Variants in EVPL observed in about 807,000 individuals in gnomAD.
The protein encoded by EVPL is 210 kDa cornified envelope precursor protein.
EVPL carries 94 observed loss-of-function variants against 129.7 expected under a neutral mutation model. The observed-to-expected ratio is 0.72, with a 90% CI of 0.61 to 0.86. The LOEUF (loss-of-function observed/expected upper bound fraction) is 0.86. Ranked by LOEUF, EVPL falls within the 40% of genes least tolerant of loss-of-function variation. EVPL has a pLI of 0.00. For missense variants in EVPL, 2,625 were observed against 2,721.1 expected, an observed-to-expected ratio of 0.96 and a Z score of 0.79; for synonymous variants, 1,172 against 1,191.1, an observed-to-expected ratio of 0.98 and a Z score of 0.33.
At chr17:76,021,050 A>G (rs1222363353) in intron 9 of EVPL, among the ~76,000 whole-genome samples, 2 of 152,082 alleles carry the variant, frequency 1.3e-5, no homozygotes, top group Non-Finnish European at 2.9e-5. Flanking sequence ...TGGCAACCAC[A>G]CAGCTCTATT....
chr17:76,023,205 C>G lies in EVPL; in HGVS notation c.480+87G>C, dbSNP rs1483087244. 1.7e-5 allele frequency: 27 copies of G among 1,578,012 alleles called. No homozygotes were observed. In the Admixed American group the frequency reaches 4.2e-4, roughly 25 times the overall value. On this transcript the variant is annotated intron_variant, in intron 4 of 21. Transcript: ENST00000301607. ...CCCCTGAGCCACCCCTACACCCTGA[C>G]TATTCAAGCCTGCAGTCAGGCCCTG...
intron 18 of EVPL, among the ~76,000 whole-genome samples, chr17:76,012,742 CTTTTTT>C (rs56349197): frequency 8.5e-6 from 1 of 117,526 alleles, no homozygotes; most frequent in Non-Finnish European, 1.7e-5. Context: ...TCTTTCTTTT[CTTTTTT>C]TTTTTTTTTT....
At position 76,008,120 on chromosome 17, in the gene EVPL, C is replaced by T. The variant is rs2066336826; in HGVS notation, c.5085G>A (p.Lys1695=). ...TGTAGGCCTCGTATGGGGACATGTC[C>T]TTCCCCGTCTCGGGTTCCAGGATGG... The part of the protein sequence containing the change: ...KISILEPETG[K]DMSPYEAYKR... The change falls in exon 22 of 22, where the codon AAG becomes AAA. Residue 1695 remains lysine (K), a synonymous_variant. Transcript: ENST00000301607. The surrounding 1 kb of genome is among the most constrained non-coding windows in gnomAD (Gnocchi z 7.4). The T allele has an allele frequency of 1.2e-6, 2 of 1,614,048 alleles. No homozygotes were observed. Among genetic ancestry groups the T allele is most frequent in the Non-Finnish European group, 8.5e-7 (1 of 1,180,024 alleles).
chr17:76,011,700 G>C, intron 20 of EVPL, 32 bp from the exon 21 acceptor site: 3 of 1,612,572 alleles, frequency 1.9e-6, no homozygotes, highest in South Asian at 1.1e-5. Flanking sequence ...GGGAAGGGCA[G>C]AGTCAGCTCC....
Position 76,010,336 on chromosome 17 carries a change from TCTC to T in EVPL, c.2866_2868del (p.Glu956del), listed in dbSNP as rs1415546133. ...TCCCGGTAGAACTCTACCACTTCCT[TCTC>T]CTCCAGCCTCTCCAAGGGCCGCTGG... On this transcript the variant is annotated inframe_deletion, in exon 22 of 22. Coordinates refer to ENST00000301607, the MANE Select transcript of EVPL (RefSeq NM_001988.4). 8 of 1,613,438 alleles carry T rather than the reference TCTC, an allele frequency of 5.0e-6. No individual in the cohort carries two copies. The highest frequency in any genetic ancestry group is 1.7e-5 in the Admixed American group (1 of 59,976).
At position 76,026,991 on chromosome 17, in the gene EVPL, G is replaced by A. The variant is rs1162251148; in HGVS notation, c.98+110C>T. ...CCTCAGGACACCAAATGCCAGCACG[G>A]GGCTGGTCCTGGGCTCTGGGCCGCC... On this transcript the variant is annotated intron_variant, in intron 1 of 21. Transcript: ENST00000301607. The A allele has an allele frequency of 3.8e-4, 239 of 626,930 alleles. 2 individuals carry two copies. The East Asian group carries it at 7.5e-3, about 20-fold the overall frequency. 38.8% of individuals were successfully genotyped at this position (626,930 alleles called of 1,614,324 possible).
rs911674014 is a variant in EVPL at position 76,015,236 on chromosome 17, G to A, written c.2019C>T (p.Ser673=). ...AEPGALQERV[S]ELQRQRRELL... ...CCGGCTGGTCCCTTACCTGCAGCTCGCTGACCCTCTCCTGCAGAGCCCCCG... is the reference window on the plus strand; with the variant it reads ...CCGGCTGGTCCCTTACCTGCAGCTCACTGACCCTCTCCTGCAGAGCCCCCG... The change falls in exon 16 of 22, where the codon AGC becomes AGT. Residue 673 remains serine, a synonymous_variant. Coordinates refer to ENST00000301607, the MANE Select transcript of EVPL (RefSeq NM_001988.4). The A allele has an allele frequency of 2.4e-5, 38 of 1,594,344 alleles. No individual in the cohort carries two copies. Among genetic ancestry groups the A allele is most frequent in the Non-Finnish European group, 3.1e-5 (36 of 1,174,392 alleles).
At chr17:76,026,006 A>G (rs548908209) in intron 1 of EVPL, among the ~76,000 whole-genome samples, 1 of 152,352 alleles carries the variant, frequency 6.6e-6, no homozygotes, top group East Asian at 1.9e-4. Flanking sequence ...CAGTGGAGTG[A>G]TCACGGCTCA....
chr17:76,007,280 C>G lies in EVPL; in HGVS notation c.5925G>C (p.Glu1975Asp). The G allele has an allele frequency of 6.4e-7, 1 of 1,558,302 alleles. No individual in the cohort carries two copies. The highest frequency in any genetic ancestry group is 8.7e-7 in the Non-Finnish European group (1 of 1,150,362). ...SEELAQLLQD[E>D]SSYEKDLTDP... ...CTGTCAAATCCTTCTCGTAGCTGGA[C>G]TCGTCCTGCAGGAGCTGGGCCAGCT... Residue 1975 changes from glutamate to aspartate, a missense_variant, in exon 22 of 22, where the codon GAG becomes GAC. Glu to Asp is a conservative substitution (Grantham distance 45). Around this residue, in one of 4 missense-constraint regions of EVPL, gnomAD observed 1,453 missense variants for 1,511.8 expected, o/e 0.96. Transcript: ENST00000301607. The surrounding 1 kb of genome is among the most constrained non-coding windows in gnomAD (Gnocchi z 8.8).
At chr17:76,018,380 T>G (rs2066432859) in intron 12 of EVPL, 66 bp downstream of exon 12, 2 of 1,548,428 alleles carry the variant, frequency 1.3e-6, no homozygotes, top group Non-Finnish European at 1.7e-6. Context: ...GGCCATGGGC[T>G]TGGACACCGC....
At chr17:76,011,235 G>A (rs2066374165) in intron 21 of EVPL, among the ~76,000 whole-genome samples, 1 of 142,012 alleles carries the variant, frequency 7.0e-6, no homozygotes, top group South Asian at 2.3e-4. Context: ...TGTGTAGGCC[G>A]AAGGTGGAGA....
In EVPL at chr17:76,021,519, G is replaced by A; in HGVS notation, c.960C>T (p.Asn320=). The change falls in exon 9 of 22, where the codon AAC becomes AAT. Residue 320 remains asparagine (N), a synonymous_variant. Coordinates refer to ENST00000301607, the MANE Select transcript of EVPL (RefSeq NM_001988.4). ...GCTGGGTCTCCTGGCAGATACACAG[G>A]TTCAGGAAGTTCTGCCACTCCATCT... ...ALKMEWQNFL[N]LCICQETQLQ... is the part of the protein sequence containing the mutation. 5.6e-6 allele frequency: 9 copies of A among 1,610,128 alleles called. No individual in the cohort carries two copies. Among genetic ancestry groups the A allele is most frequent in the Non-Finnish European group, 7.6e-6 (9 of 1,178,888 alleles).
Position 76,023,536 on chromosome 17 carries a change from C to G in EVPL, c.317G>C (p.Arg106Pro). ...CTCCTCAGCCTGCGGGTGCTTGAGC[C>G]GCCGGGCCTTGTCCACGTCCAGGAA... ...DLFLDVDKAR[R>P]LKHPQAEEIE... The change falls in exon 3 of 22, where the codon CGG (arginine) becomes CCG (proline). Residue 106 changes from arginine (R) to proline (P), a missense_variant. Coordinates refer to ENST00000301607, the MANE Select transcript of EVPL (RefSeq NM_001988.4). 1 of 1,613,310 alleles carries G rather than the reference C, an allele frequency of 6.2e-7. No homozygotes were observed. Among genetic ancestry groups the G allele is most frequent in the Non-Finnish European group, 8.5e-7 (1 of 1,179,894 alleles).
In EVPL at chr17:76,011,750, GC is replaced by G. The variant is rs564829040; in HGVS notation, c.2568+21del. 253 of 1,610,442 alleles carry G rather than the reference GC, an allele frequency of 1.6e-4. 3 individuals carry two copies. In the South Asian group the frequency reaches 2.5e-3, roughly 16 times the overall value. On this transcript the variant is annotated intron_variant, in intron 20 of 21. Coordinates refer to ENST00000301607, the MANE Select transcript of EVPL (RefSeq NM_001988.4). Reference sequence around the variant, plus strand: ...CAGAGCTGGTGTCAAGGTCCACTGAGCCCCGCAAGGTCCCATCTCACCTGGG... The same window carrying G: ...CAGAGCTGGTGTCAAGGTCCACTGAGCCCGCAAGGTCCCATCTCACCTGGG...
rs1307559394 is a variant in EVPL at position 76,012,111 on chromosome 17, T to G, written c.2374-22A>C. The G allele has an allele frequency of 2.5e-6, 4 of 1,593,318 alleles. No individual in the cohort carries two copies. The African/African-American group carries it at 4.0e-5, about 16-fold the overall frequency. ...GCCTCTGCCAGGGAAGAACCCAGAG[T>G]CAGGAGGCCAGGAAATGCCAATCAC... is the stretch of plus-strand genomic sequence containing the variant. On this transcript the variant is annotated intron_variant, in intron 18 of 21. Coordinates refer to ENST00000301607, the MANE Select transcript of EVPL (RefSeq NM_001988.4).
At chr17:76,011,505 T>G in intron 21 of EVPL, 71 bp downstream of exon 21, 1 of 1,332,790 alleles carries the variant, frequency 7.5e-7, no homozygotes, top group Non-Finnish European at 1.1e-6. Context: ...AGCCTGGCAT[T>G]TTGGGAATGG....
Position 76,014,475 on chromosome 17 carries a change from C to G in EVPL, c.2324G>C (p.Arg775Pro), listed in dbSNP as rs1238250351. The change falls in exon 18 of 22, where the codon CGG becomes CCG. Residue 775 changes from arginine (R) to proline (P), a missense_variant. By Grantham distance (103) the Arg-to-Pro change is moderately radical. Transcript: ENST00000301607. ...GATCTGGCTGGGGCCGTCGCTGGGC[C>G]GCACCTGGCTGCGGGGCAGGTGCTC... ...WLEHLPRSQVRPSDGPSQIAY... is the reference protein window; with the variant it reads ...WLEHLPRSQVPPSDGPSQIAY... 6.2e-7 allele frequency: 1 copy of G among 1,611,940 alleles called. No homozygotes were observed. The highest frequency in any genetic ancestry group is 1.3e-5 in the African/African-American group (1 of 75,024).
intron 14 of EVPL, among the ~76,000 whole-genome samples, chr17:76,016,752 A>C (rs959195110): frequency 1.3e-5 from 2 of 152,136 alleles, no homozygotes; most frequent in African/African-American, 4.8e-5. Flanking sequence ...CATCTCTACC[A>C]AAAAAATTAG....
rs748380756 is a variant in EVPL, at chr17:76,018,499, G to A, written c.1386C>T (p.Ala462=). Residue 462 remains alanine, a synonymous_variant, in exon 12 of 22, where the codon GCC becomes GCT. Transcript: ENST00000301607. The part of the protein sequence containing the change: ...GPGGETKRAP[A]ACFCIPAPDP... ...CTGGTGCTGGGATGCAGAAGCAGGCGGCGGGAGCACGCTTGGTCTCCCCGC... is the reference window on the plus strand; with the variant it reads ...CTGGTGCTGGGATGCAGAAGCAGGCAGCGGGAGCACGCTTGGTCTCCCCGC... The A allele has an allele frequency of 2.0e-5, 33 of 1,612,446 alleles. No homozygotes were observed. The highest frequency in any genetic ancestry group is 5.5e-5 in the South Asian group (5 of 91,002).
Sources: allele counts gnomAD v4.1 joint callset (sites outside exome capture counted in the v4.1 genomes callset), GRCh38; gene constraint gnomAD v4.1.1; regional missense constraint gnomAD v4.1.1; non-coding constraint Gnocchi (gnomAD v3.1); transcripts MANE v1.5; gene names NCBI Gene and HGNC (gene_info 2026-07-23, HGNC 2026-07-21).